TULP4: variants seen among roughly 807,000 people sequenced by gnomAD.
The protein encoded by TULP4 is TUB like protein 4.
A neutral mutation model predicts 129.0 loss-of-function variants in TULP4; 16 were observed. That is an observed-to-expected ratio of 0.12 (90% CI 0.08 to 0.19). The LOEUF is 0.19. Among genes scored for constraint, TULP4 ranks in the 10% least tolerant of loss-of-function variants. The pLI is 1.00. For synonymous variants in TULP4, 998 were observed against 854.0 expected, an observed-to-expected ratio of 1.17 and a Z score of -2.94; for missense variants, 1,842 against 2,059.1, an observed-to-expected ratio of 0.89 and a Z score of 2.04.
At chr6:158,452,822 G>T (rs979069529) in intron 5 of TULP4, among the ~76,000 whole-genome samples, 14 of 152,182 alleles carry the variant, frequency 9.2e-5, no homozygotes, top group African/African-American at 3.1e-4. Context: ...TATGAGTGTT[G>T]TTATCTCAAA....
intron 1 of TULP4, among the ~76,000 whole-genome samples, chr6:158,263,834 G>A (rs1399985105): frequency 2.0e-5 from 3 of 151,970 alleles, no homozygotes; most frequent in African/African-American, 4.8e-5. Flanking sequence ...AGGCCTAGGC[G>A]GGCGGATCAC....
At chr6:158,241,500 CG>C (rs1777909786) in intron 1 of TULP4, among the ~76,000 whole-genome samples, 1 of 151,722 alleles carries the variant, frequency 6.6e-6, no homozygotes, top group African/African-American at 2.4e-5. Context: ...CCCGGCACCT[CG>C]GGAGGCCAAG....
At chr6:158,385,842 CTTTTTTT>C (rs778595442) in intron 1 of TULP4, among the ~76,000 whole-genome samples, 3 of 59,576 alleles carry the variant, frequency 5.0e-5, no homozygotes, top group African/African-American at 7.2e-5. Context: ...TGTGGAATAT[CTTTTTTT>C]TTTTTTTTTT....
At chr6:158,258,762 T>A (rs2128456307) in intron 1 of TULP4, among the ~76,000 whole-genome samples, 1 of 152,374 alleles carries the variant, frequency 6.6e-6, no homozygotes, top group East Asian at 1.9e-4. Flanking sequence ...TTGAACCTGC[T>A]GAACAAATTC....
At chr6:158,237,346 C>T in intron 1 of TULP4, 4 of 1,612,358 alleles carry the variant, frequency 2.5e-6, no homozygotes, top group East Asian at 2.2e-5. Flanking sequence ...TCACCAGCCA[C>T]CTTTTCCACC....
intron 1 of TULP4, among the ~76,000 whole-genome samples, chr6:158,240,221 A>AC (rs1229269923): frequency 0.011 from 383 of 36,240 alleles, 7 homozygotes; most frequent in African/African-American, 0.037. Flanking sequence ...CGGGGGGCTG[A>AC]CCCCCCCACC....
chr6:158,269,019 T>C (rs2128460911), intron 1 of TULP4, among the ~76,000 whole-genome samples: 1 of 152,344 alleles, frequency 6.6e-6, no homozygotes, highest in East Asian at 1.9e-4. Flanking sequence ...CACCCAAGCT[T>C]AGTGACCAGA....
At chr6:158,258,727 C>CA (rs1368478648) in intron 1 of TULP4, among the ~76,000 whole-genome samples, 1 of 152,152 alleles carries the variant, frequency 6.6e-6, no homozygotes, top group Admixed American at 6.5e-5. Flanking sequence ...CCAGTGCTAA[C>CA]AAAAAATCCT....
intron 3 of TULP4, among the ~76,000 whole-genome samples, chr6:158,435,385 A>G (rs1198769053): frequency 1.3e-5 from 2 of 151,918 alleles, no homozygotes; most frequent in Admixed American, 6.6e-5. Flanking sequence ...TGGTGCTTCC[A>G]TCCTCTGCTC....
At chr6:158,268,061 CT>C (rs1474341021) in intron 1 of TULP4, among the ~76,000 whole-genome samples, 14 of 89,274 alleles carry the variant, frequency 1.6e-4, no homozygotes, top group Non-Finnish European at 3.1e-4. Context: ...TTGAGACGTA[CT>C]TTTGCTCTTG....
chr6:158,384,318 C>T (rs1174800847), intron 1 of TULP4, among the ~76,000 whole-genome samples: 8 of 149,014 alleles, frequency 5.4e-5, no homozygotes, highest in South Asian at 2.1e-4. Context: ...GACAGAGTCT[C>T]GCTCTGTGAC....
intron 1 of TULP4, among the ~76,000 whole-genome samples, chr6:158,392,794 C>CTTTTTTTTCTTTTTTTT (rs1777615484): frequency 1.8e-5 from 1 of 54,642 alleles, no homozygotes; most frequent in Non-Finnish European, 3.0e-5. Flanking sequence ...ATTTGTATTT[C>CTTTTTTTTCTTTTTTTT]TTTTTTTTTT....
At chr6:158,356,988 A>G (rs1780664104) in intron 1 of TULP4, among the ~76,000 whole-genome samples, 1 of 152,148 alleles carries the variant, frequency 6.6e-6, no homozygotes, top group African/African-American at 2.4e-5. Context: ...CATTTCCAAA[A>G]AAATAGATCT....
At chr6:158,382,327 G>A (rs895668192) in intron 1 of TULP4, among the ~76,000 whole-genome samples, 7 of 152,250 alleles carry the variant, frequency 4.6e-5, no homozygotes, top group Admixed American at 4.6e-4. Context: ...GAGAAGTAGA[G>A]GGCAAGGAAT....
intron 1 of TULP4, among the ~76,000 whole-genome samples, chr6:158,406,488 C>A (rs1777980162): frequency 6.6e-6 from 1 of 152,132 alleles, no homozygotes; most frequent in Non-Finnish European, 1.5e-5. Flanking sequence ...AATTTTTACT[C>A]AGGAGTTTGC....
intron 1 of TULP4, among the ~76,000 whole-genome samples, chr6:158,337,974 C>T (rs766383042): frequency 6.6e-6 from 1 of 152,136 alleles, no homozygotes; most frequent in Non-Finnish European, 1.5e-5. Context: ...TAAAGTCACA[C>T]TTTCACCCAA....
intron 1 of TULP4, among the ~76,000 whole-genome samples, chr6:158,329,889 C>T (rs996751849): frequency 1.3e-5 from 2 of 152,044 alleles, no homozygotes; most frequent in Non-Finnish European, 2.9e-5. Flanking sequence ...CTGAAATTTT[C>T]CCCTAGTAAT....
chr6:158,365,004 G>A (rs1159606108), intron 1 of TULP4, among the ~76,000 whole-genome samples: 1 of 151,888 alleles, frequency 6.6e-6, no homozygotes, highest in Non-Finnish European at 1.5e-5. Context: ...CAAAGTGCTG[G>A]GATTACAGGC....
chr6:158,390,218 G>T (rs569427450), intron 1 of TULP4, among the ~76,000 whole-genome samples: 1 of 152,156 alleles, frequency 6.6e-6, no homozygotes, highest in African/African-American at 2.4e-5. Context: ...GAACTATTTT[G>T]CACATATAAA....
Sources: gnomAD v4.1 joint callset for allele counts (sites outside exome capture counted in the v4.1 genomes callset) on GRCh38, gnomAD v4.1.1 for gene constraint, MANE v1.5 for transcripts, NCBI Gene and HGNC (gene_info 2026-07-23, HGNC 2026-07-21) for gene names.